The following PIGH variants were observed in gnomAD, a reference collection of about 807,000 sequenced individuals.
PIGH encodes the protein phosphatidylinositol glycan anchor biosynthesis class H, also known as phosphatidylinositol N-acetylglucosaminyltransferase subunit H.
Under a neutral mutation model 20.1 loss-of-function variants are expected in PIGH, and 11 were observed. The ratio of observed to expected loss-of-function variants is 0.55; its 90% CI spans 0.34 to 0.91. PIGH has a LOEUF of 0.91. Among genes scored for constraint, PIGH ranks in the 40% least tolerant of loss-of-function variants. The probability of loss-of-function intolerance (pLI) is 0.02; values close to 1 mark genes in which losing one functional copy is unlikely to be tolerated. For missense variants in PIGH, 189 were observed against 233.6 expected, an observed-to-expected ratio of 0.81 and a Z score of 1.24; for synonymous variants, 72 against 93.1, an observed-to-expected ratio of 0.77 and a Z score of 1.31.
chr14:67,600,019 A>G lies in PIGH; in HGVS notation c.180+5T>C. 2 of 1,554,960 alleles carry G rather than the reference A, an allele frequency of 1.3e-6. No individual in the cohort carries two copies. The highest frequency in any genetic ancestry group is 1.7e-6 in the Non-Finnish European group (2 of 1,149,932). ...GAGCGCGGGGAGGGGCCGACTTGCCATTACCTCGCAGAGGGTGAAGAGTCC... is the reference window on the plus strand; with the variant it reads ...GAGCGCGGGGAGGGGCCGACTTGCCGTTACCTCGCAGAGGGTGAAGAGTCC... On this transcript the variant is annotated splice_donor_5th_base_variant and intron_variant, in intron 1 of 3. Coordinates refer to ENST00000216452, the MANE Select transcript of PIGH (RefSeq NM_004569.5).
intron 3 of PIGH, among the ~76,000 whole-genome samples, chr14:67,590,981 A>G (rs1025171448): frequency 3.9e-5 from 6 of 152,232 alleles, no homozygotes; most frequent in Non-Finnish European, 8.8e-5. Flanking sequence ...TACACAATGA[A>G]ATGTAATAAC....
chr14:67,597,260 T>C (rs1272250448), intron 1 of PIGH, among the ~76,000 whole-genome samples: 4 of 152,220 alleles, frequency 2.6e-5, no homozygotes, highest in African/African-American at 9.6e-5. Context: ...GGGGGATCGC[T>C]TGAGGCCAGG....
rs1407388358 is a variant in PIGH at position 67,600,136 on chromosome 14, G to A, written c.68C>T (p.Ser23Phe). 2.5e-6 allele frequency: 4 copies of A among 1,594,820 alleles called. No individual in the cohort carries two copies. The highest frequency in any genetic ancestry group is 2.3e-5 in the South Asian group (2 of 88,460). ...GAGGCAGAATTCCCGGCAGGACGGG[G>A]AGTAGTAGCGGCGCTGCAGCGCCAG... is the stretch of plus-strand genomic sequence containing the variant. Reference protein sequence around the residue: ...GRLALQRRYYSPSCREFCLSC... With the variant: ...GRLALQRRYYFPSCREFCLSC... Residue 23 changes from serine to phenylalanine, a missense_variant, in exon 1 of 4, where the codon TCC becomes TTC. By Grantham distance (155) the Ser-to-Phe change is radical. Transcript: ENST00000216452.
rs79030134 is a variant in PIGH at position 67,590,396 on chromosome 14, G to T, written c.475-224C>A. On this transcript the variant is annotated intron_variant, in intron 3 of 3. Coordinates refer to ENST00000216452, the MANE Select transcript of PIGH (RefSeq NM_004569.5). ...GCCTCCCGAGTAGCTGGGATTACAG[G>T]TGCTCGCCACCACGCCCAGTGGCAC... Among the ~76,000 whole-genome samples, 1,403 of 151,998 alleles carry T rather than the reference G, an allele frequency of 9.2e-3. 77 individuals carry two copies. The East Asian group carries it at 0.12, about 13-fold the overall frequency.
At chr14:67,598,298 T>C (rs1410728661) in intron 1 of PIGH, among the ~76,000 whole-genome samples, 2 of 152,002 alleles carry the variant, frequency 1.3e-5, no homozygotes, top group Non-Finnish European at 2.9e-5. Flanking sequence ...GTAAGCAGAG[T>C]ACACCGGCAT....
Position 67,589,723 on chromosome 14 carries a change from C to T in PIGH, c.*357G>A. The T allele has an allele frequency of 5.0e-6, 5 of 1,007,674 alleles. No homozygotes were observed. The highest frequency in any genetic ancestry group is 5.9e-6 in the Non-Finnish European group (5 of 844,554). The allele number at this position is 1,007,674 out of a possible 1,614,324, so 62.4% of individuals were successfully genotyped here. ...GGAAAATATAGCTTTCTCAAGACAT[C>T]TGATGTCAGTTTCCCATTGTTTTGC... is the stretch of plus-strand genomic sequence containing the variant. On this transcript the variant is annotated 3_prime_UTR_variant, in exon 4 of 4. Coordinates refer to ENST00000216452, the MANE Select transcript of PIGH (RefSeq NM_004569.5).
intron 1 of PIGH, among the ~76,000 whole-genome samples, chr14:67,595,150 T>TA (rs927511140): frequency 1.7e-4 from 25 of 148,646 alleles, no homozygotes; most frequent in African/African-American, 5.2e-4. Flanking sequence ...AAAATAAAAA[T>TA]AAAAAAAATA....
chr14:67,597,939 G>C (rs10151023), intron 1 of PIGH, among the ~76,000 whole-genome samples: 119,701 of 152,010 alleles, frequency 0.79, 47,285 homozygotes, highest in Middle Eastern at 0.85. Context: ...ATAGAACTGT[G>C]AACTCAAAAA....
intron 1 of PIGH, among the ~76,000 whole-genome samples, chr14:67,596,849 G>A (rs1409754717): frequency 1.3e-5 from 2 of 152,168 alleles, no homozygotes; most frequent in African/African-American, 4.8e-5. Flanking sequence ...ATCTCCACTT[G>A]TCCATGCTAT....
intron 1 of PIGH, among the ~76,000 whole-genome samples, chr14:67,599,517 CAG>C (rs947111793): frequency 2.0e-5 from 3 of 152,134 alleles, no homozygotes; most frequent in Non-Finnish European, 2.9e-5. Flanking sequence ...CCTTGAAAAA[CAG>C]AGATTAGGAA....
In PIGH at chr14:67,593,798, G is replaced by A. The variant is rs1365298261; in HGVS notation, c.335C>T (p.Thr112Ile). Residue 112 changes from threonine to isoleucine, a missense_variant, in exon 2 of 4, where the codon ACC becomes ATC. Transcript: ENST00000216452. ...SSYASGKEST[T>I]FIEMGKVKDI... is the part of the protein sequence containing the mutation. ...CTTGACCTTGCCCATTTCTATGAAG[G>A]TAGTGCTTTCTTTGCCTGAAGCATA... 6.2e-7 allele frequency: 1 copy of A among 1,613,544 alleles called. No individual in the cohort carries two copies. The highest frequency in any genetic ancestry group is 2.2e-5 in the East Asian group (1 of 44,876).
At chr14:67,594,498 G>A (rs553791802) in intron 1 of PIGH, among the ~76,000 whole-genome samples, 5 of 151,958 alleles carry the variant, frequency 3.3e-5, no homozygotes, top group African/African-American at 9.7e-5. Flanking sequence ...AATACAAAAA[G>A]TAGCTGGGCG....
chr14:67,589,365 C>CAA lies in PIGH; in HGVS notation c.*713_*714dup. 1 of 984,328 alleles carries CAA rather than the reference C, an allele frequency of 1.0e-6. No homozygotes were observed. Among genetic ancestry groups the CAA allele is most frequent in the African/African-American group, 1.7e-5 (1 of 57,302 alleles). 61.0% of individuals were successfully genotyped at this position (984,328 alleles called of 1,614,324 possible). ...ACATGAGAGTCCCATGTCTGAAAAC[C>CAA]AAAGTCCAATTTCTGTCTGGCCTTT... is the stretch of plus-strand genomic sequence containing the variant. On this transcript the variant is annotated 3_prime_UTR_variant, in exon 4 of 4. Transcript: ENST00000216452.
chr14:67,599,617 T>C (rs2036536958), intron 1 of PIGH, among the ~76,000 whole-genome samples: 1 of 152,192 alleles, frequency 6.6e-6, no homozygotes, highest in Non-Finnish European at 1.5e-5. Context: ...TAAAGTATTG[T>C]TAGCAGTACT....
chr14:67,599,578 G>A (rs1350405475), intron 1 of PIGH, among the ~76,000 whole-genome samples: 10 of 152,198 alleles, frequency 6.6e-5, no homozygotes, highest in Non-Finnish European at 1.5e-4. Context: ...CACACTTGTG[G>A]AGGCAAAGAC....
At chr14:67,594,341 A>C (rs901825606) in intron 1 of PIGH, among the ~76,000 whole-genome samples, 1 of 152,036 alleles carries the variant, frequency 6.6e-6, no homozygotes. Context: ...AGCATAAGAC[A>C]CTGTCTCTAA....
chr14:67,590,263 T>C (rs2036330580), intron 3 of PIGH, 91 bp from the exon 4 acceptor site: 6 of 1,159,394 alleles, frequency 5.2e-6, no homozygotes, highest in Non-Finnish European at 5.8e-6. Context: ...TTTTTTTTTT[T>C]TTTTTTTGAG....
In PIGH at chr14:67,592,666, T is replaced by G; in HGVS notation, c.443A>C (p.His148Pro). Residue 148 changes from histidine (H) to proline (P), a missense_variant, in exon 3 of 4, where the codon CAT becomes CCT. By Grantham distance (77) the His-to-Pro change is moderately conservative. Coordinates refer to ENST00000216452, the MANE Select transcript of PIGH (RefSeq NM_004569.5). ...CILLKDPVEPHGISQVVPVFQ... is the reference protein window; with the variant it reads ...CILLKDPVEPPGISQVVPVFQ... ...GACGGGTACTACTTGGGATATCCCA[T>G]GTGGTTCCACTGGATCTTTCAATAA... The G allele has an allele frequency of 2.5e-6, 4 of 1,605,762 alleles. No individual in the cohort carries two copies. Among genetic ancestry groups the G allele is most frequent in the Non-Finnish European group, 3.4e-6 (4 of 1,173,918 alleles).
intron 1 of PIGH, among the ~76,000 whole-genome samples, chr14:67,599,144 GA>G (rs145941556): frequency 0.027 from 4,049 of 152,256 alleles, 151 homozygotes; most frequent in African/African-American, 0.087. Context: ...TGCAGTAATG[GA>G]AACAATATCC....
Sources: gnomAD v4.1 joint callset for allele counts (sites outside exome capture counted in the v4.1 genomes callset) on GRCh38, gnomAD v4.1.1 for gene constraint, MANE v1.5 for transcripts, NCBI Gene and HGNC (gene_info 2026-07-23, HGNC 2026-07-21) for gene names.